The following TBC1D8B variants were observed in gnomAD, a reference collection of about 807,000 sequenced individuals.
The protein encoded by TBC1D8B is RP11-321G1.1.
TBC1D8B carries 75 observed loss-of-function variants against 82.9 expected under a neutral mutation model. The observed-to-expected ratio is 0.90, with a 90% CI of 0.75 to 1.10. The LOEUF (loss-of-function observed/expected upper bound fraction) is 1.10, where lower values mean the gene tolerates loss of function less well. TBC1D8B is among the 50% of genes least tolerant of loss of function. The pLI, the probability that TBC1D8B is intolerant of heterozygous loss-of-function variation, is 0.00. For missense variants in TBC1D8B, 794 were observed against 796.9 expected, an observed-to-expected ratio of 1.00 and a Z score of 0.04; for synonymous variants, 276 against 276.8, an observed-to-expected ratio of 1.00 and a Z score of 0.03.
chrX:106,822,325 A>G (rs1307696495), intron 4 of TBC1D8B, 123 bp downstream of exon 4: 1 of 572,311 alleles, frequency 1.7e-6, no homozygotes, highest in Non-Finnish European at 2.6e-6. Context: ...TGTACAATAA[A>G]AAGTTTATTT....
At chrX:106,833,604 T>A (rs1220023730) in intron 7 of TBC1D8B, among the ~76,000 whole-genome samples, 1 of 112,115 alleles carries the variant, frequency 8.9e-6, no homozygotes, top group African/African-American at 3.2e-5. Flanking sequence ...TTTTGTCATT[T>A]TTTTAAATTT....
At position 106,860,952 on chromosome X, in the gene TBC1D8B, C is replaced by T. The variant is rs758672440; in HGVS notation, c.2353-4607C>T. On this transcript the variant is annotated intron_variant, in intron 14 of 20. Transcript: ENST00000357242. ...TTATTCTCATTAGTTTTAAATATTT[C>T]TTGATTTATTCCTTAGTTTCATTGC... 3.5e-4 allele frequency among the ~76,000 whole-genome samples: 39 copies of T among 111,939 alleles called. 1 individual carries two copies. Among genetic ancestry groups the T allele is most frequent in the African/African-American group, 1.3e-3 (39 of 30,853 alleles).
chrX:106,826,212 G>A lies in TBC1D8B; in HGVS notation c.1010G>A (p.Cys337Tyr). The A allele has an allele frequency of 8.3e-7, 1 of 1,210,142 alleles. No individual in the cohort carries two copies. The highest frequency in any genetic ancestry group is 1.7e-5 in the African/African-American group (1 of 57,746). The change falls in exon 6 of 21, where the codon TGT (cysteine) becomes TAT (tyrosine). Residue 337 changes from cysteine to tyrosine, a missense_variant. Physicochemically the swap from Cys to Tyr is radical, Grantham distance 194 (BLOSUM62 -2). Transcript: ENST00000357242. ...ICFASQDGNQ[C>Y]SVIIPLREVL... ...TTTGCTAGCCAAGATGGCAATCAGT[G>A]TAGTGTAATCATTCCACTACGAGAG... is the stretch of plus-strand genomic sequence containing the variant.
intron 12 of TBC1D8B, among the ~76,000 whole-genome samples, chrX:106,851,113 G>T (rs984504434): frequency 3.6e-5 from 4 of 112,032 alleles, no homozygotes; most frequent in Non-Finnish European, 7.5e-5. Flanking sequence ...TTCTTGACCG[G>T]GTGCGGTGGC....
chrX:106,844,675 T>C (rs1252615323), intron 10 of TBC1D8B, among the ~76,000 whole-genome samples: 2 of 109,626 alleles, frequency 1.8e-5, no homozygotes, highest in East Asian at 5.7e-4. Flanking sequence ...TTTATGCTTA[T>C]ATTTGTAAGA....
chrX:106,828,420 A>T (rs1388171202), intron 7 of TBC1D8B: 1 of 112,484 alleles, frequency 8.9e-6, no homozygotes, highest in Non-Finnish European at 1.9e-5. Flanking sequence ...AAAAAGAGGG[A>T]ATCCTCCCTA....
rs777887802 is a variant in TBC1D8B at position 106,826,021 on chromosome X, T to G, written c.828-9T>G. The G allele has an allele frequency of 8.3e-7, 1 of 1,203,346 alleles. No individual in the cohort carries two copies. Among genetic ancestry groups the G allele is most frequent in the South Asian group, 1.8e-5 (1 of 55,602 alleles). On this transcript the variant is annotated splice_polypyrimidine_tract_variant and intron_variant, in intron 5 of 20. Transcript: ENST00000357242. The stretch of plus-strand genomic sequence containing the variant: ...ATTTGTGCCTTATCCCATTTTTTCT[T>G]TCCTACAGAGGTCTGGAAAATAGAG...
Position 106,820,972 on chromosome X carries a change from A to C in TBC1D8B, c.337A>C (p.Asn113His). The change falls in exon 3 of 21, where the codon AAT (asparagine) becomes CAT (histidine). Residue 113 changes from asparagine (N) to histidine (H), a missense_variant. Physicochemically the swap from Asn to His is moderately conservative, Grantham distance 68 (BLOSUM62 1). Coordinates refer to ENST00000357242, the MANE Select transcript of TBC1D8B (RefSeq NM_017752.3). Reference sequence around the variant, plus strand: ...ATTTGATTCAAATGAAGATATTACTAATTTTGTACAAGGAAAAATAAGAGT... The same window carrying C: ...ATTTGATTCAAATGAAGATATTACTCATTTTGTACAAGGAAAAATAAGAGT... ...SVFDSNEDIT[N>H]FVQGKIRGLI... is the part of the protein sequence containing the mutation. 1 of 1,148,283 alleles carries C rather than the reference A, an allele frequency of 8.7e-7. No individual in the cohort carries two copies. Among genetic ancestry groups the C allele is most frequent in the Non-Finnish European group, 1.2e-6 (1 of 852,841 alleles). The allele number at this position is 1,148,283 out of a possible 1,213,427, so 94.6% of individuals were successfully genotyped here.
intron 10 of TBC1D8B, 40 bp from the exon 11 acceptor site, chrX:106,848,146 G>C: frequency 3.2e-6 from 3 of 934,788 alleles, no homozygotes; most frequent in Non-Finnish European, 1.5e-6. Context: ...TATTACTTGA[G>C]CAATATTTGC....
intron 1 of TBC1D8B, 57 bp downstream of exon 1, chrX:106,803,040 G>A: frequency 8.9e-7 from 1 of 1,123,799 alleles, no homozygotes; most frequent in Non-Finnish European, 1.2e-6. Context: ...CTTAAAAGGT[G>A]GTGAGGACAA....
chrX:106,809,080 T>C (rs1931277569), intron 1 of TBC1D8B, among the ~76,000 whole-genome samples: 1 of 112,221 alleles, frequency 8.9e-6, no homozygotes, highest in Non-Finnish European at 1.9e-5. Context: ...TTTAGAACAT[T>C]TGCCCAGTTT....
At chrX:106,811,370 A>T (rs1279873951) in intron 1 of TBC1D8B, among the ~76,000 whole-genome samples, 1 of 111,172 alleles carries the variant, frequency 9.0e-6, no homozygotes, top group Non-Finnish European at 1.9e-5. Flanking sequence ...ACAAAAAATA[A>T]ACAAAATTAG....
At chrX:106,840,475 T>C (rs761518755) in intron 9 of TBC1D8B, among the ~76,000 whole-genome samples, 195 bp from the exon 10 acceptor site, 1 of 111,760 alleles carries the variant, frequency 8.9e-6, no homozygotes, top group South Asian at 3.8e-4. Context: ...AAAAAGCTCA[T>C]GAAATTGGTA....
rs1419853223 is a variant in TBC1D8B, at chrX:106,840,053, AG to A, written c.1360del (p.Glu454LysfsTer3). On this transcript the variant is annotated frameshift_variant, in exon 9 of 21. Coordinates refer to ENST00000357242, the MANE Select transcript of TBC1D8B (RefSeq NM_017752.3). LOFTEE classifies it high-confidence loss of function. ...LETLNSKMLK[E>X]KMKEQSWKIL... is the part of the protein sequence containing the mutation. ...TGATTTTTCTGTCATTACAGTTGAA[AG>A]AAAAAATGAAGGAACAGTCATGGAA... 8.4e-7 allele frequency: 1 copy of A among 1,191,989 alleles called. No homozygotes were observed. Among genetic ancestry groups the A allele is most frequent in the Admixed American group, 2.4e-5 (1 of 42,155 alleles).
chrX:106,870,941 T>A (rs1285963510), intron 20 of TBC1D8B, 128 bp downstream of exon 20: 2 of 419,461 alleles, frequency 4.8e-6, no homozygotes, highest in Non-Finnish European at 7.9e-6. Context: ...TCTCTAAGTT[T>A]CAGATGAGCA....
At chrX:106,814,058 T>C (rs1479538906) in intron 1 of TBC1D8B, 2 of 105,462 alleles carry the variant, frequency 1.9e-5, no homozygotes, top group Non-Finnish European at 3.9e-5. Flanking sequence ...CTTCGTATGT[T>C]CATGTGTTCT....
At chrX:106,831,488 T>G (rs1003870232) in intron 7 of TBC1D8B, among the ~76,000 whole-genome samples, 3 of 111,610 alleles carry the variant, frequency 2.7e-5, no homozygotes, top group Non-Finnish European at 5.6e-5. Flanking sequence ...CCAGCCTTAG[T>G]AGTTTTCTCT....
At chrX:106,837,886 A>G (rs112857487) in intron 7 of TBC1D8B, among the ~76,000 whole-genome samples, 4 of 111,783 alleles carry the variant, frequency 3.6e-5, no homozygotes, top group African/African-American at 1.3e-4. Context: ...TTGATTTCAT[A>G]TCTTGGCTAT....
intron 5 of TBC1D8B, among the ~76,000 whole-genome samples, chrX:106,824,749 C>G (rs1931789926): frequency 9.0e-6 from 1 of 110,891 alleles, no homozygotes; most frequent in Non-Finnish European, 1.9e-5. Context: ...TTAGGAGAGC[C>G]CATTGAAAAT....
Sources: allele counts gnomAD v4.1 joint callset (sites outside exome capture counted in the v4.1 genomes callset), GRCh38; gene constraint gnomAD v4.1.1; transcripts MANE v1.5; gene names NCBI Gene and HGNC (gene_info 2026-07-23, HGNC 2026-07-21).